PPM1D: variants seen among roughly 807,000 people sequenced by gnomAD.
PPM1D encodes the protein protein phosphatase, Mg2+/Mn2+ dependent 1D, also known as protein phosphatase 1D.
PPM1D carries 52 observed loss-of-function variants against 58.3 expected under a neutral mutation model. The observed-to-expected ratio is 0.89, with a 90% CI of 0.71 to 1.12. The LOEUF (loss-of-function observed/expected upper bound fraction) is 1.12, where lower values mean the gene tolerates loss of function less well. Among genes scored for constraint, PPM1D ranks in the 50% most tolerant of loss-of-function variants. PPM1D has a pLI of 0.00. For synonymous variants in PPM1D, 278 were observed against 285.1 expected (o/e 0.98, Z 0.25); for missense variants, 564 against 777.2 (o/e 0.73, Z 3.26).
In PPM1D at chr17:60,648,007, T is replaced by C; in HGVS notation, c.942T>C (p.Asp314=). The change falls in exon 4 of 6, where the codon GAT becomes GAC. Residue 314 remains aspartate, a synonymous_variant. Coordinates refer to ENST00000305921, the MANE Select transcript of PPM1D (RefSeq NM_003620.4). ...ACAAGTATATTATATTGGGGAGTGA[T>C]GGACTTTGGAATATGATTCCACCAC... ...QKHKYIILGS[D]GLWNMIPPQD... The C allele has an allele frequency of 6.2e-7, 1 of 1,614,004 alleles. No individual in the cohort carries two copies. The highest frequency in any genetic ancestry group is 1.3e-5 in the African/African-American group (1 of 75,044).
chr17:60,622,142 A>G (rs1285095887), intron 1 of PPM1D, among the ~76,000 whole-genome samples: 1 of 151,404 alleles, frequency 6.6e-6, no homozygotes, highest in Non-Finnish European at 1.5e-5. Context: ...GTGAGCCGAG[A>G]TCATGCCACT....
At chr17:60,635,604 AGAT>A (rs1024675313) in intron 3 of PPM1D, among the ~76,000 whole-genome samples, 2 of 152,214 alleles carry the variant, frequency 1.3e-5, no homozygotes, top group Admixed American at 1.3e-4. Context: ...CACTCACACA[AGAT>A]GATAATATTT....
chr17:60,652,627 C>G (rs2031367679), intron 4 of PPM1D, among the ~76,000 whole-genome samples: 2 of 141,626 alleles, frequency 1.4e-5, no homozygotes, highest in South Asian at 4.8e-4. Context: ...TACATTCCCA[C>G]TAACACTGAG....
chr17:60,619,295 C>CT (rs1371843328), intron 1 of PPM1D, among the ~76,000 whole-genome samples: 1 of 150,840 alleles, frequency 6.6e-6, no homozygotes, highest in African/African-American at 2.4e-5. Context: ...TTGCTGGATA[C>CT]TTAGATTGTT....
At chr17:60,655,884 G>C (rs1353334559) in intron 4 of PPM1D, among the ~76,000 whole-genome samples, 3 of 150,530 alleles carry the variant, frequency 2.0e-5, no homozygotes, top group African/African-American at 4.9e-5. Flanking sequence ...TGTTTTTTTA[G>C]TAGAGATAGG....
chr17:60,605,886 A>C (rs1009794008), intron 1 of PPM1D, among the ~76,000 whole-genome samples: 1 of 152,200 alleles, frequency 6.6e-6, no homozygotes, highest in African/African-American at 2.4e-5. Context: ...GCCTGGGAGA[A>C]GACGCGAGAC....
rs184127308 is a variant in PPM1D at position 60,631,188 on chromosome 17, T to A, written c.702-2665T>A. 1.9e-4 allele frequency among the ~76,000 whole-genome samples: 29 copies of A among 151,590 alleles called. No individual in the cohort carries two copies. In the East Asian group the frequency reaches 5.5e-3, roughly 29 times the overall value. ...TGAGATCTGTTCTCTACAAAAAAAT[T>A]ACATGCCTTTGGTCCCAGCTATTTG... On this transcript the variant is annotated intron_variant, in intron 2 of 5. Transcript: ENST00000305921.
chr17:60,661,123 G>A (rs1376975724), intron 5 of PPM1D, among the ~76,000 whole-genome samples: 1 of 150,336 alleles, frequency 6.7e-6, no homozygotes, highest in Non-Finnish European at 1.5e-5. Context: ...GGAGGCTGAG[G>A]CAGGAGAATC....
At chr17:60,620,858 A>G (rs548788731) in intron 1 of PPM1D, among the ~76,000 whole-genome samples, 1 of 151,730 alleles carries the variant, frequency 6.6e-6, no homozygotes, top group African/African-American at 2.4e-5. Flanking sequence ...GCCAAGACCA[A>G]CGTCGAGATT....
intron 3 of PPM1D, among the ~76,000 whole-genome samples, chr17:60,642,058 C>T (rs1444934682): frequency 6.6e-6 from 1 of 152,206 alleles, no homozygotes; most frequent in Non-Finnish European, 1.5e-5. Flanking sequence ...TGTACAAACA[C>T]TAGACCAGTA....
intron 1 of PPM1D, among the ~76,000 whole-genome samples, chr17:60,608,897 G>T (rs915796854): frequency 2.4e-4 from 36 of 149,092 alleles, no homozygotes; most frequent in Admixed American, 2.2e-3. Flanking sequence ...ACAGGCGCCC[G>T]CCACCACGCC....
At chr17:60,603,670 G>A (rs1488617823) in intron 1 of PPM1D, among the ~76,000 whole-genome samples, 1 of 152,166 alleles carries the variant, frequency 6.6e-6, no homozygotes, top group Non-Finnish European at 1.5e-5. Context: ...GGCTTAGGCA[G>A]AGAGAATTGC....
chr17:60,623,256 G>A (rs1188502903), intron 1 of PPM1D, among the ~76,000 whole-genome samples: 1 of 152,128 alleles, frequency 6.6e-6, no homozygotes, highest in Admixed American at 6.5e-5. Flanking sequence ...GAGTCATGTA[G>A]CAGTAGTAAA....
chr17:60,609,889 G>A (rs1043549780), intron 1 of PPM1D, among the ~76,000 whole-genome samples: 16 of 151,934 alleles, frequency 1.1e-4, no homozygotes, highest in African/African-American at 2.9e-4. Flanking sequence ...TCATAGATAC[G>A]TATGTATAGG....
chr17:60,639,278 G>T (rs1222413811), intron 3 of PPM1D, among the ~76,000 whole-genome samples: 3 of 151,812 alleles, frequency 2.0e-5, no homozygotes, highest in Admixed American at 6.6e-5. Context: ...ACCATGCTCG[G>T]CTAAGTTTTG....
intron 1 of PPM1D, among the ~76,000 whole-genome samples, chr17:60,617,618 G>T (rs903757150): frequency 5.3e-5 from 8 of 151,918 alleles, no homozygotes; most frequent in Admixed American, 5.3e-4. Context: ...ATAATTGAAA[G>T]GGCTGAAGAA....
chr17:60,624,600 A>G (rs1245153548), intron 2 of PPM1D, among the ~76,000 whole-genome samples: 1 of 152,020 alleles, frequency 6.6e-6, no homozygotes, highest in African/African-American at 2.4e-5. Flanking sequence ...CAGCCTGACC[A>G]ACATGGAGAA....
At chr17:60,628,532 G>A (rs1231206649) in intron 2 of PPM1D, among the ~76,000 whole-genome samples, 1 of 151,942 alleles carries the variant, frequency 6.6e-6, no homozygotes, top group African/African-American at 2.4e-5. Context: ...ACTTACTCCT[G>A]GCAACCACTG....
chr17:60,657,706 A>G (rs1280256440), intron 5 of PPM1D, among the ~76,000 whole-genome samples: 2 of 152,094 alleles, frequency 1.3e-5, no homozygotes, highest in Admixed American at 6.6e-5. Flanking sequence ...AAAACCACAT[A>G]TGGCCAGATA....
Sources: gnomAD v4.1 joint callset for allele counts (sites outside exome capture counted in the v4.1 genomes callset) on GRCh38, gnomAD v4.1.1 for gene constraint, MANE v1.5 for transcripts, NCBI Gene and HGNC (gene_info 2026-07-23, HGNC 2026-07-21) for gene names.